RARB: variants seen among roughly 807,000 people sequenced by gnomAD.
The protein encoded by RARB is retinoic acid receptor beta.
Under a neutral mutation model 51.9 loss-of-function variants are expected in RARB, and 17 were observed. The observed-to-expected ratio is 0.33, with a 90% CI of 0.22 to 0.49. The LOEUF (loss-of-function observed/expected upper bound fraction) is 0.49, where lower values mean the gene tolerates loss of function less well. RARB is among the 20% of genes least tolerant of loss of function. RARB has a pLI of 0.99. For missense variants in RARB, 369 were observed against 550.8 expected (o/e 0.67, Z 3.30); for synonymous variants, 215 against 195.4 (o/e 1.10, Z -0.84).
intron 5 of RARB, among the ~76,000 whole-genome samples, chr3:25,187,790 A>G (rs577849375): frequency 6.6e-6 from 1 of 152,212 alleles, no homozygotes; most frequent in Non-Finnish European, 1.5e-5. Context: ...ATAATTTTGA[A>G]CTTAGTAAAA....
At chr3:25,284,905 A>G (rs1206391646) in intron 5 of RARB, among the ~76,000 whole-genome samples, 1 of 152,180 alleles carries the variant, frequency 6.6e-6, no homozygotes, top group African/African-American at 2.4e-5. Context: ...AGACTTTGGT[A>G]TATGTGAGAG....
At chr3:25,117,120 C>G (rs1169683789) in intron 3 of RARB, among the ~76,000 whole-genome samples, 2 of 152,138 alleles carry the variant, frequency 1.3e-5, no homozygotes, top group Admixed American at 1.3e-4. Context: ...GTGCTAGGCA[C>G]TGTGCTTAGC....
intron 5 of RARB, among the ~76,000 whole-genome samples, chr3:25,320,705 C>T (rs1175676387): frequency 6.6e-6 from 1 of 152,172 alleles, no homozygotes; most frequent in Non-Finnish European, 1.5e-5. Flanking sequence ...TTCATGTTAA[C>T]ATACCTCTCA....
At chr3:25,501,522 G>A (rs1697314214) in intron 3 of RARB, among the ~76,000 whole-genome samples, 199 bp downstream of exon 3, 2 of 152,312 alleles carry the variant, frequency 1.3e-5, no homozygotes, top group Non-Finnish European at 1.5e-5. Context: ...AAAGGCAGGA[G>A]TTAGGCGTCG....
chr3:25,446,570 G>A (rs1309535220), intron 1 of RARB, among the ~76,000 whole-genome samples: 1 of 152,114 alleles, frequency 6.6e-6, no homozygotes, highest in East Asian at 1.9e-4. Flanking sequence ...TTGGGAGGCC[G>A]AGGCGGGCAG....
intron 4 of RARB, among the ~76,000 whole-genome samples, chr3:25,572,376 A>G (rs1438219681): frequency 1.3e-5 from 2 of 152,216 alleles, no homozygotes; most frequent in African/African-American, 4.8e-5. Context: ...CTATAAGTAT[A>G]CTAATTCTTT....
chr3:25,405,368 C>T (rs1382234512), intron 5 of RARB, among the ~76,000 whole-genome samples: 1 of 152,106 alleles, frequency 6.6e-6, no homozygotes. Context: ...AACAAACAAA[C>T]AACTACTATA....
At chr3:25,460,352 A>G (rs1695114167) in intron 1 of RARB, among the ~76,000 whole-genome samples, 1 of 152,198 alleles carries the variant, frequency 6.6e-6, no homozygotes, top group African/African-American at 2.4e-5. Flanking sequence ...GCATCATGCT[A>G]AAGACCCTCC....
intron 3 of RARB, among the ~76,000 whole-genome samples, chr3:25,537,806 C>G (rs1699204529): frequency 6.6e-6 from 1 of 152,176 alleles, no homozygotes; most frequent in African/African-American, 2.4e-5. Context: ...CTCTTCTTTA[C>G]CCAGGGCCTT....
At chr3:25,572,580 G>A (rs956274353) in intron 4 of RARB, among the ~76,000 whole-genome samples, 2 of 152,130 alleles carry the variant, frequency 1.3e-5, no homozygotes, top group Non-Finnish European at 2.9e-5. Flanking sequence ...AATCCCTTGA[G>A]AGGGTTGCCA....
rs1228561785 is a variant in RARB at position 24,985,448 on chromosome 3, G to A, written c.-379-74677G>A. ...GTGACTTTTCTGATAAACGTCAAGG[G>A]AAAAAACAGACAAATCTTTGCTACA... is the stretch of plus-strand genomic sequence containing the variant. On this transcript the variant is annotated intron_variant, in intron 2 of 11. Transcript: ENST00000383772. Among the ~76,000 whole-genome samples, 3 of 151,506 alleles carry A rather than the reference G, an allele frequency of 2.0e-5. No homozygotes were observed. In the East Asian group the frequency reaches 5.8e-4, roughly 29 times the overall value.
At chr3:25,543,124 C>G (rs1169437936) in intron 3 of RARB, among the ~76,000 whole-genome samples, 1 of 152,118 alleles carries the variant, frequency 6.6e-6, no homozygotes, top group Non-Finnish European at 1.5e-5. Context: ...CTGCCAAGGG[C>G]CTTGTGACAA....
intron 4 of RARB, among the ~76,000 whole-genome samples, chr3:25,577,192 A>G (rs1273843840): frequency 2.0e-5 from 3 of 152,158 alleles, no homozygotes; most frequent in Non-Finnish European, 4.4e-5. Context: ...GGTGAATCCC[A>G]CACCCTCCGG....
At chr3:24,839,706 A>G in intron 1 of RARB, among the ~76,000 whole-genome samples, 1 of 25,746 alleles carries the variant, frequency 3.9e-5, no homozygotes, top group Non-Finnish European at 1.1e-4. Context: ...GCTGTCTCAA[A>G]AAAAAAAAAA....
chr3:25,556,478 C>T (rs1004951591), intron 3 of RARB, among the ~76,000 whole-genome samples: 1 of 152,164 alleles, frequency 6.6e-6, no homozygotes, highest in Admixed American at 6.5e-5. Flanking sequence ...TTATAGTCCT[C>T]ATTACATTCT....
intron 2 of RARB, among the ~76,000 whole-genome samples, chr3:24,890,548 A>G (rs1459201912): frequency 6.6e-6 from 1 of 152,100 alleles, no homozygotes; most frequent in Non-Finnish European, 1.5e-5. Context: ...TGGGAGTTGG[A>G]AATCAGCCTG....
At chr3:25,103,814 T>C (rs1243150819) in intron 3 of RARB, among the ~76,000 whole-genome samples, 1 of 152,248 alleles carries the variant, frequency 6.6e-6, no homozygotes, top group Non-Finnish European at 1.5e-5. Flanking sequence ...TAGGGTTGCC[T>C]GTCTTAGCCT....
intron 4 of RARB, among the ~76,000 whole-genome samples, chr3:25,579,056 A>G (rs912385091): frequency 1.3e-5 from 2 of 152,190 alleles, no homozygotes; most frequent in African/African-American, 2.4e-5. Flanking sequence ...CATTATTACC[A>G]TCCTAAAATA....
chr3:24,959,648 T>C (rs952160088), intron 2 of RARB, among the ~76,000 whole-genome samples: 1 of 152,180 alleles, frequency 6.6e-6, no homozygotes, highest in African/African-American at 2.4e-5. Context: ...CCCTTTTCCG[T>C]CTAGAATTCC....
Sources: gnomAD v4.1 joint callset for allele counts (sites outside exome capture counted in the v4.1 genomes callset) on GRCh38, gnomAD v4.1.1 for gene constraint, MANE v1.5 for transcripts, NCBI Gene and HGNC (gene_info 2026-07-23, HGNC 2026-07-21) for gene names.